Variants in LRRC49 observed in about 807,000 individuals in gnomAD.
LRRC49 encodes the protein leucine rich repeat containing 49, also known as leucine-rich repeat-containing protein 49.
In LRRC49, 50 loss-of-function variants were observed where a neutral mutation model predicts 83.3. The ratio of observed to expected loss-of-function variants is 0.60; its 90% CI spans 0.48 to 0.76. The LOEUF (loss-of-function observed/expected upper bound fraction) is 0.76. Among genes scored for constraint, LRRC49 ranks in the 30% least tolerant of loss-of-function variants. The probability of loss-of-function intolerance (pLI) is 0.00; values close to 1 mark genes in which losing one functional copy is unlikely to be tolerated. For missense variants in LRRC49, 704 were observed against 809.1 expected (o/e 0.87, Z 1.58); for synonymous variants, 286 against 283.3 (o/e 1.01, Z -0.10).
rs544694395 is a variant in LRRC49 at position 70,948,793 on chromosome 15, T to C, written c.773+11971T>C. Among the ~76,000 whole-genome samples the C allele has an allele frequency of 1.3e-5, 2 of 152,172 alleles. 1 individual carries two copies. Among genetic ancestry groups the C allele is most frequent in the Non-Finnish European group, 2.9e-5 (2 of 68,026 alleles). Reference sequence around the variant, plus strand: ...TGAGTGCAAGGTGTGCTTATCCTTTTTGAGTTATCATTGTTTCTGGGCCAT... The same window carrying C: ...TGAGTGCAAGGTGTGCTTATCCTTTCTGAGTTATCATTGTTTCTGGGCCAT... On this transcript the variant is annotated intron_variant, in intron 8 of 15. Transcript: ENST00000260382.
At chr15:70,891,938 C>T, upstream of LRRC49, 2 of 1,613,762 alleles carry the variant, frequency 1.2e-6, no homozygotes, top group Non-Finnish European at 1.7e-6. Context: ...GAGCTCTCCT[C>T]GCGTGTCCAG....
intron 14 of LRRC49, among the ~76,000 whole-genome samples, chr15:71,024,208 C>T (rs1040382670): frequency 6.6e-6 from 1 of 152,236 alleles, no homozygotes; most frequent in Non-Finnish European, 1.5e-5. Flanking sequence ...GTAGTCCAGA[C>T]AAGTGGGATT....
chr15:70,933,061 A>G (rs2141152771), intron 7 of LRRC49, among the ~76,000 whole-genome samples: 1 of 152,238 alleles, frequency 6.6e-6, no homozygotes, highest in South Asian at 2.1e-4. Flanking sequence ...AGGGATATGG[A>G]CAACAGTGCC....
At chr15:70,885,089 T>C (rs1302255308) in intron 2 of LRRC49, among the ~76,000 whole-genome samples, 1 of 152,198 alleles carries the variant, frequency 6.6e-6, no homozygotes, top group African/African-American at 2.4e-5. Context: ...CTAGGAATAT[T>C]TGAACATAAA....
At chr15:71,023,031 G>T (rs1319159912) in intron 14 of LRRC49, among the ~76,000 whole-genome samples, 1 of 152,134 alleles carries the variant, frequency 6.6e-6, no homozygotes, top group African/African-American at 2.4e-5. Flanking sequence ...TTTGAATTAA[G>T]AAACACATTT....
intron 8 of LRRC49, among the ~76,000 whole-genome samples, chr15:70,944,294 G>C (rs1264236155): frequency 6.6e-6 from 1 of 152,134 alleles, no homozygotes; most frequent in Non-Finnish European, 1.5e-5. Flanking sequence ...GAAGAGAAAA[G>C]TCAAAGGTGT....
intron 7 of LRRC49, among the ~76,000 whole-genome samples, chr15:70,933,042 A>G (rs575040558): frequency 6.6e-6 from 1 of 152,106 alleles, no homozygotes; most frequent in Non-Finnish European, 1.5e-5. Flanking sequence ...TAGTTCTTTT[A>G]TGCAGTTTAG....
intron 14 of LRRC49, among the ~76,000 whole-genome samples, chr15:71,032,320 C>T (rs778749904): frequency 1.3e-5 from 2 of 152,068 alleles, no homozygotes; most frequent in Non-Finnish European, 2.9e-5. Context: ...ATTGCCTAAC[C>T]AGTCCCAATG....
At chr15:71,021,637 CAT>C (rs1005869088) in intron 14 of LRRC49, among the ~76,000 whole-genome samples, 2 of 152,118 alleles carry the variant, frequency 1.3e-5, no homozygotes, top group African/African-American at 4.8e-5. Flanking sequence ...CTGGGGTCCT[CAT>C]GTGTCAGTAG....
intron 2 of LRRC49, chr15:70,882,487 A>G (rs758378668): frequency 1.2e-6 from 2 of 1,613,546 alleles, no homozygotes; most frequent in East Asian, 2.2e-5. Flanking sequence ...GTACAGCCAT[A>G]TAAGACAAAT....
chr15:70,923,230 G>A (rs548338011), intron 7 of LRRC49, among the ~76,000 whole-genome samples: 59 of 151,876 alleles, frequency 3.9e-4, no homozygotes, highest in African/African-American at 1.4e-3. Context: ...TAGTTTAATT[G>A]CATTGTGACC....
At chr15:71,039,459 C>A (rs2039631781) in intron 15 of LRRC49, among the ~76,000 whole-genome samples, 1 of 152,114 alleles carries the variant, frequency 6.6e-6, no homozygotes, top group African/African-American at 2.4e-5. Flanking sequence ...TCAGGACCTC[C>A]TGCAGATACC....
rs34256149 is a variant in LRRC49, at chr15:70,948,495, GT to G, written c.773+11689del. ...CAGGAATTCTGATTCCATTAGCAAA[GT>G]TTTTTTTTTTTTTTTGCATACAGGG... On this transcript the variant is annotated intron_variant, in intron 8 of 15. Transcript: ENST00000260382. 2.8e-3 allele frequency among the ~76,000 whole-genome samples: 399 copies of G among 140,684 alleles called. 1 individual carries two copies. Among genetic ancestry groups the G allele is most frequent in the African/African-American group, 7.6e-3 (288 of 37,760 alleles). The allele number at this position is 140,684 out of a possible 152,430, so 92.3% of individuals were successfully genotyped here.
intron 15 of LRRC49, chr15:71,048,667 T>C (rs1271852524): frequency 4.9e-6 from 2 of 405,612 alleles, no homozygotes; most frequent in East Asian, 7.1e-5. Context: ...TGTTAAATTC[T>C]TGATTAAACA....
At chr15:70,922,241 G>A (rs2035033930) in intron 7 of LRRC49, among the ~76,000 whole-genome samples, 1 of 152,150 alleles carries the variant, frequency 6.6e-6, no homozygotes, top group Non-Finnish European at 1.5e-5. Flanking sequence ...GTTTGTTGCA[G>A]CACTGTTTAC....
At chr15:70,864,376 C>T (rs2141071590) in intron 1 of LRRC49, among the ~76,000 whole-genome samples, 1 of 151,896 alleles carries the variant, frequency 6.6e-6, no homozygotes, top group East Asian at 1.9e-4. Flanking sequence ...GGCATGGGCA[C>T]CAGGATGGAT....
intron 15 of LRRC49, among the ~76,000 whole-genome samples, chr15:71,040,476 A>G (rs1356597140): frequency 6.6e-6 from 1 of 152,204 alleles, no homozygotes; most frequent in African/African-American, 2.4e-5. Flanking sequence ...GTTAATGAAG[A>G]GAGAGATCAT....
Position 71,026,160 on chromosome 15 carries a change from A to G in LRRC49, c.1704-11019A>G, listed in dbSNP as rs532666461. Among the ~76,000 whole-genome samples the G allele has an allele frequency of 7.9e-5, 12 of 151,896 alleles. No homozygotes were observed. The South Asian group carries it at 2.5e-3, about 32-fold the overall frequency. ...TCAACTCCCACCTATGAGTGAGAACATGCAGTGTTTGGTTTTCTGCTCCTC... is the reference window on the plus strand; with the variant it reads ...TCAACTCCCACCTATGAGTGAGAACGTGCAGTGTTTGGTTTTCTGCTCCTC... On this transcript the variant is annotated intron_variant, in intron 14 of 15. Coordinates refer to ENST00000260382, the MANE Select transcript of LRRC49 (RefSeq NM_017691.5).
rs180758925 is a variant in LRRC49 at position 70,976,894 on chromosome 15, T to C, written c.922-3207T>C. 3.3e-5 allele frequency among the ~76,000 whole-genome samples: 5 copies of C among 152,290 alleles called. No homozygotes were observed. The East Asian group carries it at 9.6e-4, about 29-fold the overall frequency. On this transcript the variant is annotated intron_variant, in intron 9 of 15. Coordinates refer to ENST00000260382, the MANE Select transcript of LRRC49 (RefSeq NM_017691.5). The stretch of plus-strand genomic sequence containing the variant: ...GTAATTATTTGGGCTGAAATATAGC[T>C]CTCAGATACATAAATTCCTTAAAAT...
Sources: gnomAD v4.1 joint callset for allele counts (sites outside exome capture counted in the v4.1 genomes callset) on GRCh38, gnomAD v4.1.1 for gene constraint, MANE v1.5 for transcripts, NCBI Gene and HGNC (gene_info 2026-07-23, HGNC 2026-07-21) for gene names.